Variants in GTF2H2 observed in about 807,000 individuals in gnomAD.
The protein encoded by GTF2H2 is general transcription factor IIH subunit 2.
A neutral mutation model predicts 16.5 loss-of-function variants in GTF2H2; 2 were observed. That is an observed-to-expected ratio of 0.12 (90% CI 0.05 to 0.38). The LOEUF (loss-of-function observed/expected upper bound fraction) is 0.38, where lower values mean the gene tolerates loss of function less well. GTF2H2 is among the 10% of genes least tolerant of loss of function. The pLI is 0.99. For missense variants in GTF2H2, 20 were observed against 137.0 expected, an observed-to-expected ratio of 0.15 and a Z score of 4.26; for synonymous variants, 8 against 44.1, an observed-to-expected ratio of 0.18 and a Z score of 3.24.
chr5:71,039,624 C>G (rs1447058291), intron 14 of GTF2H2, among the ~76,000 whole-genome samples: 1 of 148,320 alleles, frequency 6.7e-6, no homozygotes, highest in Non-Finnish European at 1.5e-5. Context: ...ATATTCTTAT[C>G]TTTACTCTCC....
chr5:71,053,948 A>G (rs1241188246), intron 8 of GTF2H2, among the ~76,000 whole-genome samples: 2 of 127,312 alleles, frequency 1.6e-5, no homozygotes, highest in Non-Finnish European at 3.3e-5. Flanking sequence ...GGCAGGACAG[A>G]GAGGGAAGGT....
chr5:71,054,737 GTGTGTGTGTGTGTGTA>G (rs1484212469), intron 8 of GTF2H2, among the ~76,000 whole-genome samples: 12 of 135,656 alleles, frequency 8.8e-5, no homozygotes, highest in Admixed American at 2.3e-4. Flanking sequence ...GTGTGTGTGT[GTGTGTGTGTGTGTGTA>G]TATATATAAT....
At chr5:71,038,013 A>T (rs2457874) in intron 14 of GTF2H2, among the ~76,000 whole-genome samples, 2 of 76,450 alleles carry the variant, frequency 2.6e-5, no homozygotes, top group Non-Finnish European at 2.7e-5. Flanking sequence ...AGCAATAATT[A>T]AAAAAAAAAT....
intron 8 of GTF2H2, among the ~76,000 whole-genome samples, chr5:71,053,393 C>G (rs1186737764): frequency 4.3e-5 from 6 of 140,272 alleles, no homozygotes; most frequent in African/African-American, 1.6e-4. Flanking sequence ...TCAATTAAGT[C>G]TGTTGTCTTA....
chr5:71,054,980 G>C (rs1753093775), intron 8 of GTF2H2: 1 of 153,458 alleles, frequency 6.5e-6, no homozygotes, highest in African/African-American at 2.7e-5. Flanking sequence ...TGGTGCAAAA[G>C]GAACTGTGGT....
At position 71,036,530 on chromosome 5, in the gene GTF2H2, G is replaced by T. The variant is rs1416135522; in HGVS notation, c.1069-734C>A. Among the ~76,000 whole-genome samples the T allele has an allele frequency of 2.3e-5, 2 of 88,474 alleles. 1 individual carries two copies. The highest frequency in any genetic ancestry group is 4.8e-5 in the Non-Finnish European group (2 of 41,284). 58.0% of individuals were successfully genotyped at this position (88,474 alleles called of 152,430 possible). The stretch of plus-strand genomic sequence containing the variant: ...CCCAGCACTTTGGGAGGCCAAGGCG[G>T]GTGGATTGCTTGAGCCCAGGAGTTC... On this transcript the variant is annotated intron_variant, in intron 15 of 15. Transcript: ENST00000274400.
chr5:71,055,364 A>G, exon 8 of GTF2H2: 17 of 1,578,510 alleles, frequency 1.1e-5, no homozygotes, highest in Non-Finnish European at 1.5e-5. Context: ...TAGAGTCTGC[A>G]TAGCTATGCT....
chr5:71,057,381 G>A (rs1447305974), intron 7 of GTF2H2, among the ~76,000 whole-genome samples: 1 of 142,844 alleles, frequency 7.0e-6, no homozygotes, highest in Admixed American at 7.1e-5. Context: ...TTATGTAATT[G>A]GGTGGAGTTT....
intron 8 of GTF2H2, among the ~76,000 whole-genome samples, chr5:71,050,494 T>C (rs1752628403): frequency 2.5e-5 from 1 of 40,486 alleles, no homozygotes; most frequent in South Asian, 1.2e-3. Flanking sequence ...TACTGTAGTC[T>C]AGTAAGTGTG....
At chr5:71,052,915 A>ATTGTTTT (rs1752867782) in intron 8 of GTF2H2, among the ~76,000 whole-genome samples, 7 of 44,052 alleles carry the variant, frequency 1.6e-4, no homozygotes, top group East Asian at 7.4e-4. Context: ...TGCCTGGCTA[A>ATTGTTTT]TTTTTTTTTT....
chr5:71,042,301 G>C lies in GTF2H2; in HGVS notation c.822-17C>G. 1 of 429,440 alleles carries C rather than the reference G, an allele frequency of 2.3e-6. No individual in the cohort carries two copies. The allele number at this position is 429,440 out of a possible 1,614,324, so 26.6% of individuals were successfully genotyped here. A position where few individuals can be genotyped will look rare whatever the true frequency, so the allele number is the denominator to read the frequency against. On this transcript the variant is annotated splice_polypyrimidine_tract_variant and intron_variant, in intron 12 of 15. Transcript: ENST00000274400. ...TCCAAATGCCTGTAGGGGGAAAAAG[G>C]GTAATATATAATGATCTGAAAAGTT... is the stretch of plus-strand genomic sequence containing the variant.
rs1291959217 is a variant in GTF2H2 at position 71,036,529 on chromosome 5, G to A, written c.1069-733C>T. On this transcript the variant is annotated intron_variant, in intron 15 of 15. Coordinates refer to ENST00000274400, the Ensembl canonical transcript of GTF2H2. ...TCCCAGCACTTTGGGAGGCCAAGGCGGGTGGATTGCTTGAGCCCAGGAGTT... is the reference window on the plus strand; with the variant it reads ...TCCCAGCACTTTGGGAGGCCAAGGCAGGTGGATTGCTTGAGCCCAGGAGTT... Among the ~76,000 whole-genome samples the A allele has an allele frequency of 3.4e-5, 3 of 88,438 alleles. 1 individual carries two copies. The highest frequency in any genetic ancestry group is 7.3e-5 in the Non-Finnish European group (3 of 41,270). The allele number at this position is 88,438 out of a possible 152,430, so 58.0% of individuals were successfully genotyped here.
In GTF2H2 at chr5:71,055,182, A is replaced by G. The variant is rs1241622937; in HGVS notation, c.470+170T>C. On this transcript the variant is annotated intron_variant, in intron 8 of 15. Transcript: ENST00000274400. ...TAACAATATCTTACTAAAATGTAAA[A>G]TAAAGATTACTAACCAACACCACAC... is the stretch of plus-strand genomic sequence containing the variant. 5.3e-6 allele frequency: 3 copies of G among 562,106 alleles called. No individual in the cohort carries two copies. The African/African-American group carries it at 6.5e-5, about 12-fold the overall frequency. 34.8% of individuals were successfully genotyped at this position (562,106 alleles called of 1,614,324 possible). A position where few individuals can be genotyped will look rare whatever the true frequency, so the allele number is the denominator to read the frequency against.
intron 1 of GTF2H2, among the ~76,000 whole-genome samples, chr5:71,063,512 T>TTTA (rs1753698525): frequency 1.3e-5 from 1 of 78,834 alleles, no homozygotes; most frequent in Non-Finnish European, 2.4e-5. Flanking sequence ...TTTTCATATA[T>TTTA]TTATTGGACA....
chr5:71,054,090 G>T lies in GTF2H2; in HGVS notation c.470+1262C>A, dbSNP rs911366314. On this transcript the variant is annotated intron_variant, in intron 8 of 15. Transcript: ENST00000274400. ...TGGAAAGTGAAACTGCAGATAAGGG[G>T]GGATTACTATAATTTAACCTCACAG... Among the ~76,000 whole-genome samples, 493 of 140,168 alleles carry T rather than the reference G, an allele frequency of 3.5e-3. 40 individuals are homozygous for T. The highest frequency in any genetic ancestry group is 5.7e-3 in the Non-Finnish European group (367 of 64,834). 92.0% of individuals were successfully genotyped at this position (140,168 alleles called of 152,430 possible).
intron 8 of GTF2H2, among the ~76,000 whole-genome samples, chr5:71,052,915 A>ATTTTTTTTTTTTT (rs1241503525): frequency 2.3e-5 from 1 of 44,050 alleles, no homozygotes; most frequent in Non-Finnish European, 3.7e-5. Context: ...TGCCTGGCTA[A>ATTTTTTTTTTTTT]TTTTTTTTTT....
intron 1 of GTF2H2, among the ~76,000 whole-genome samples, chr5:71,064,367 C>CAA (rs1404001295): frequency 1.1e-5 from 1 of 88,148 alleles, no homozygotes; most frequent in Admixed American, 1.2e-4. Flanking sequence ...CAAAACAAAA[C>CAA]AAACAAACAC....
rs1476942535 is a variant in GTF2H2, at chr5:71,054,396, TA to T, written c.470+955del. 6.9e-5 allele frequency among the ~76,000 whole-genome samples: 10 copies of T among 145,980 alleles called. 1 individual carries two copies. The highest frequency in any genetic ancestry group is 3.9e-4 in the East Asian group (2 of 5,128). Reference sequence around the variant, plus strand: ...CAAAACTAGAAAAATATCTATTATATAAAGGTATAAGTCTGAGCCAGGGCGG... The same window carrying T: ...CAAAACTAGAAAAATATCTATTATATAAGGTATAAGTCTGAGCCAGGGCGG... On this transcript the variant is annotated intron_variant, in intron 8 of 15. Coordinates refer to ENST00000274400, the Ensembl canonical transcript of GTF2H2.
chr5:71,044,113 TC>T (rs1295104267), intron 12 of GTF2H2, among the ~76,000 whole-genome samples: 2 of 136,646 alleles, frequency 1.5e-5, no homozygotes, highest in Non-Finnish European at 3.1e-5. Flanking sequence ...TGGTTCCAGT[TC>T]TTGTGATAGA....
Sources: gnomAD v4.1 joint callset for allele counts (sites outside exome capture counted in the v4.1 genomes callset) on GRCh38, gnomAD v4.1.1 for gene constraint, MANE v1.5 for transcripts, NCBI Gene and HGNC (gene_info 2026-07-23, HGNC 2026-07-21) for gene names.